SLC7A2: variants seen among roughly 807,000 people sequenced by gnomAD.
SLC7A2 encodes the protein cationic amino acid transporter 2.
Under a neutral mutation model 58.9 loss-of-function variants are expected in SLC7A2, and 48 were observed. The ratio of observed to expected loss-of-function variants is 0.82; its 90% CI spans 0.65 to 1.04. The LOEUF (loss-of-function observed/expected upper bound fraction) is 1.04. Among genes scored for constraint, SLC7A2 ranks in the 50% least tolerant of loss-of-function variants. The pLI is 0.00. For synonymous variants in SLC7A2, 363 were observed against 314.5 expected (o/e 1.15, Z -1.63); for missense variants, 1,029 against 818.8 (o/e 1.26, Z -3.13).
intron 10 of SLC7A2, 44 bp from the exon 11 acceptor site, chr8:17,561,900 G>A: frequency 1.9e-6 from 3 of 1,594,308 alleles, no homozygotes; most frequent in Non-Finnish European, 2.6e-6. Context: ...CAATCTGGGT[G>A]GAGCACAGTG....
chr8:17,519,781 G>T (rs1282910161), intron 2 of SLC7A2, among the ~76,000 whole-genome samples: 1 of 152,146 alleles, frequency 6.6e-6, no homozygotes, highest in South Asian at 2.1e-4. Flanking sequence ...AGGTGGCCAG[G>T]TTCCTAAATA....
At chr8:17,552,254 C>G (rs191125197) in intron 7 of SLC7A2, among the ~76,000 whole-genome samples, 1 of 152,270 alleles carries the variant, frequency 6.6e-6, no homozygotes, top group East Asian at 1.9e-4. Flanking sequence ...CAGACACACA[C>G]ACACACACAC....
intron 2 of SLC7A2, among the ~76,000 whole-genome samples, chr8:17,509,974 C>G (rs1326052658): frequency 6.6e-6 from 1 of 152,108 alleles, no homozygotes; most frequent in Non-Finnish European, 1.5e-5. Context: ...AACCCCAGCA[C>G]TTTGGGAGGC....
At chr8:17,515,132 G>C (rs1800751671) in intron 2 of SLC7A2, among the ~76,000 whole-genome samples, 1 of 152,094 alleles carries the variant, frequency 6.6e-6, no homozygotes, top group East Asian at 1.9e-4. Context: ...TTAAACTTAA[G>C]AAACGTTTAC....
At chr8:17,495,304 T>C (rs905910610), upstream of SLC7A2, among the ~76,000 whole-genome samples, 4 of 152,114 alleles carry the variant, frequency 2.6e-5, no homozygotes, top group African/African-American at 9.7e-5. Context: ...CCTTAAAAAT[T>C]AGACAAAGTA....
chr8:17,542,781 T>C (rs1801970450), intron 2 of SLC7A2, among the ~76,000 whole-genome samples: 1 of 152,146 alleles, frequency 6.6e-6, no homozygotes, highest in Non-Finnish European at 1.5e-5. Flanking sequence ...AATATATTTC[T>C]ATCAACATAT....
At chr8:17,555,079 T>G (rs1563477894) in intron 8 of SLC7A2, 1 of 1,613,744 alleles carries the variant, frequency 6.2e-7, no homozygotes, top group East Asian at 2.2e-5. Context: ...AGGGGTCATT[T>G]CTGGTAAGCT....
In SLC7A2 at chr8:17,560,311, T is replaced by C; in HGVS notation, c.1299-17T>C. ...GTCTATTTGAGAATAAAGACATAGA[T>C]GTTTGTTTGGAAATAGGTACCAGCC... On this transcript the variant is annotated splice_polypyrimidine_tract_variant and intron_variant, in intron 9 of 12. Transcript: ENST00000494857. 6.3e-7 allele frequency: 1 copy of C among 1,599,026 alleles called. No individual in the cohort carries two copies.
intron 2 of SLC7A2, among the ~76,000 whole-genome samples, chr8:17,511,604 T>A (rs1291624168): frequency 6.6e-6 from 1 of 152,226 alleles, no homozygotes; most frequent in Non-Finnish European, 1.5e-5. Context: ...ATTCAAGTAA[T>A]ATAATCTATC....
chr8:17,537,133 C>CTTCGACCCTTAAGTTTCATAAGGGCT (rs1563458471), intron 2 of SLC7A2, among the ~76,000 whole-genome samples: 1 of 152,090 alleles, frequency 6.6e-6, no homozygotes, highest in Non-Finnish European at 1.5e-5. Flanking sequence ...CTTGGCTCAC[C>CTTCGACCCTTAAGTTTCATAAGGGCT]GCAACCTCTG....
At chr8:17,517,696 A>C (rs1800856737) in intron 2 of SLC7A2, among the ~76,000 whole-genome samples, 1 of 152,108 alleles carries the variant, frequency 6.6e-6, no homozygotes. Flanking sequence ...TAAGGCAGTA[A>C]TAGTTCATGA....
chr8:17,497,888 T>C (rs55981207), intron 1 of SLC7A2, among the ~76,000 whole-genome samples: 2,199 of 152,296 alleles, frequency 0.014, 25 homozygotes, highest in Non-Finnish European at 0.022. Context: ...AACGCTGTTC[T>C]TGAGGCTTAG....
In SLC7A2 at chr8:17,543,386, G is replaced by A. The variant is rs781575189; in HGVS notation, c.47G>A (p.Arg16Gln). ...CTGACCTTTGCCCGATGTCTGATCC[G>A]GAGAAAAATCGTGACCCTGGACAGT... The part of the protein sequence containing the change: ...AALTFARCLI[R>Q]RKIVTLDSLE... Residue 16 changes from arginine to glutamine, a missense_variant, in exon 3 of 13, where the codon CGG (arginine) becomes CAG (glutamine). Transcript: ENST00000494857. 1.9e-5 allele frequency: 31 copies of A among 1,613,948 alleles called. No homozygotes were observed. The highest frequency in any genetic ancestry group is 2.2e-5 in the East Asian group (1 of 44,886).
chr8:17,497,083 C>T (rs1360753281), upstream of SLC7A2: 11 of 151,320 alleles, frequency 7.3e-5, no homozygotes, highest in East Asian at 1.9e-3. Context: ...CCCACGTGCC[C>T]AGCCCTCCTT....
intron 4 of SLC7A2, among the ~76,000 whole-genome samples, chr8:17,546,440 A>G (rs1802177068): frequency 6.6e-6 from 1 of 152,228 alleles, no homozygotes; most frequent in South Asian, 2.1e-4. Flanking sequence ...CCGTTGTTTT[A>G]CTAAAGATAC....
chr8:17,537,936 T>C (rs1801744405), intron 2 of SLC7A2, among the ~76,000 whole-genome samples: 1 of 152,216 alleles, frequency 6.6e-6, no homozygotes, highest in African/African-American at 2.4e-5. Flanking sequence ...ATGCTTCATT[T>C]AATTTTTTTT....
Position 17,502,508 on chromosome 8 carries a change from A to G in SLC7A2, c.-23+206A>G, listed in dbSNP as rs150318046. Among the ~76,000 whole-genome samples the G allele has an allele frequency of 2.8e-3, 419 of 152,322 alleles. 3 individuals carry two copies. Among genetic ancestry groups the G allele is most frequent in the African/African-American group, 9.8e-3 (408 of 41,572 alleles). Reference sequence around the variant, plus strand: ...TTTAAAAGAATCTTTACTGGACTTCAATTCCTATAAGATATTGCTCTTCCA... The same window carrying G: ...TTTAAAAGAATCTTTACTGGACTTCGATTCCTATAAGATATTGCTCTTCCA... On this transcript the variant is annotated intron_variant, in intron 2 of 12. Transcript: ENST00000494857.
intron 2 of SLC7A2, among the ~76,000 whole-genome samples, chr8:17,533,905 C>A (rs1035042611): frequency 1.3e-5 from 2 of 152,196 alleles, no homozygotes; most frequent in African/African-American, 4.8e-5. Flanking sequence ...TCCTGATGCT[C>A]TCCCTCCCCT....
intron 2 of SLC7A2, among the ~76,000 whole-genome samples, chr8:17,521,169 G>T (rs577293772): frequency 2.0e-5 from 3 of 152,172 alleles, no homozygotes; most frequent in African/African-American, 7.2e-5. Context: ...TTTCTAAAAA[G>T]AATACATTTA....
Sources: allele counts gnomAD v4.1 joint callset (sites outside exome capture counted in the v4.1 genomes callset), GRCh38; gene constraint gnomAD v4.1.1; transcripts MANE v1.5; gene names NCBI Gene and HGNC (gene_info 2026-07-23, HGNC 2026-07-21).